GABRA2: variants seen among roughly 807,000 people sequenced by gnomAD.
The protein encoded by GABRA2 is gamma-aminobutyric acid type A receptor subunit alpha2, also known as gamma-aminobutyric acid receptor subunit alpha-2.
In GABRA2, 16 loss-of-function variants were observed where a neutral mutation model predicts 48.7. The observed-to-expected ratio is 0.33, with a 90% CI of 0.22 to 0.50. The LOEUF (loss-of-function observed/expected upper bound fraction) is 0.50. Among genes scored for constraint, GABRA2 ranks in the 20% least tolerant of loss-of-function variants. The pLI is 0.98. For synonymous variants in GABRA2, 185 were observed against 184.5 expected (o/e 1.00, Z -0.02); for missense variants, 275 against 535.6 (o/e 0.51, Z 4.80).
chr4:46,336,189 A>G (rs1165744669), intron 3 of GABRA2, among the ~76,000 whole-genome samples: 1 of 152,182 alleles, frequency 6.6e-6, no homozygotes, highest in East Asian at 1.9e-4. Context: ...ATTTTAATTC[A>G]TGTAGAATAT....
chr4:46,297,896 A>C (rs1725044305), intron 8 of GABRA2, among the ~76,000 whole-genome samples: 1 of 151,792 alleles, frequency 6.6e-6, no homozygotes, highest in Non-Finnish European at 1.5e-5. Context: ...TTGAGCTTTG[A>C]CTTCACTGCA....
chr4:46,276,668 G>A (rs1720574579), intron 8 of GABRA2, among the ~76,000 whole-genome samples: 1 of 151,636 alleles, frequency 6.6e-6, no homozygotes, highest in South Asian at 2.1e-4. Context: ...AAGCATTAGA[G>A]TCAGGGAGAT....
intron 8 of GABRA2, among the ~76,000 whole-genome samples, chr4:46,281,258 T>C (rs1160750194): frequency 6.6e-6 from 1 of 152,196 alleles, no homozygotes; most frequent in Non-Finnish European, 1.5e-5. Context: ...TGTATGTATC[T>C]GGAGTTAAGG....
chr4:46,381,870 C>G (rs933617137), intron 3 of GABRA2, among the ~76,000 whole-genome samples: 30 of 152,084 alleles, frequency 2.0e-4, no homozygotes, highest in South Asian at 2.1e-4. Context: ...TAGTGAGAGG[C>G]TGGTGTAGTA....
intron 9 of GABRA2, among the ~76,000 whole-genome samples, chr4:46,255,446 T>C (rs1014349364): frequency 6.6e-6 from 1 of 151,360 alleles, no homozygotes; most frequent in African/African-American, 2.4e-5. Context: ...ACAGGCTAAA[T>C]TTAAAAAAAT....
At position 46,305,711 on chromosome 4, in the gene GABRA2, T is replaced by A; in HGVS notation, c.560A>T (p.Tyr187Phe). 1.2e-6 allele frequency: 2 copies of A among 1,602,112 alleles called. No homozygotes were observed. Among genetic ancestry groups the A allele is most frequent in the Non-Finnish European group, 1.7e-6 (2 of 1,172,752 alleles). Residue 187 changes from tyrosine to phenylalanine, a missense_variant and splice_region_variant, in exon 7 of 10, where the codon TAT (tyrosine) becomes TTT (phenylalanine). Tyr to Phe is a conservative substitution (Grantham distance 22). Coordinates refer to ENST00000381620, the MANE Select transcript of GABRA2 (RefSeq NM_000807.4). Reference protein sequence around the residue: ...AHSCPLKFGSYAYTTSEVTYI... With the variant: ...AHSCPLKFGSFAYTTSEVTYI... Reference sequence around the variant, plus strand: ...AGTGACCTCTGAAGTTGTATATGCATCTATAGGAAATCAGAAAAAATATTT... The same window carrying A: ...AGTGACCTCTGAAGTTGTATATGCAACTATAGGAAATCAGAAAAAATATTT...
At chr4:46,277,550 T>C (rs895850481) in intron 8 of GABRA2, among the ~76,000 whole-genome samples, 2 of 152,180 alleles carry the variant, frequency 1.3e-5, no homozygotes, top group Admixed American at 1.3e-4. Flanking sequence ...TCTATATCTA[T>C]CTCCGTCTAA....
At position 46,372,885 on chromosome 4, in the gene GABRA2, G is replaced by A. The variant is rs569662525; in HGVS notation, c.187+13189C>T. On this transcript the variant is annotated intron_variant, in intron 3 of 9. Transcript: ENST00000381620. ...ACAGGCCACAAACTGTTCCCTAAACGGAAGGGATTTGATGAAGAGACATCT... is the reference window on the plus strand; with the variant it reads ...ACAGGCCACAAACTGTTCCCTAAACAGAAGGGATTTGATGAAGAGACATCT... Among the ~76,000 whole-genome samples, 6 of 152,268 alleles carry A rather than the reference G, an allele frequency of 3.9e-5. No individual in the cohort carries two copies. The East Asian group carries it at 7.7e-4, about 20-fold the overall frequency.
chr4:46,255,344 T>A (rs1051861076), intron 9 of GABRA2, among the ~76,000 whole-genome samples: 1 of 151,650 alleles, frequency 6.6e-6, no homozygotes, highest in African/African-American at 2.4e-5. Flanking sequence ...TGATACAGAA[T>A]TCAATAGCTT....
chr4:46,377,705 C>G, intron 3 of GABRA2, among the ~76,000 whole-genome samples: 1 of 142,046 alleles, frequency 7.0e-6, no homozygotes. Context: ...TCTGCCCGGC[C>G]AGCCTCCCCG....
At chr4:46,312,458 C>T (rs1727811442) in intron 5 of GABRA2, 38 bp downstream of exon 5, 1 of 1,369,078 alleles carries the variant, frequency 7.3e-7, no homozygotes, top group South Asian at 1.2e-5. Context: ...GAAAATTTCT[C>T]AGTATATAAA....
In GABRA2 at chr4:46,262,368, C is replaced by A. The variant is rs496650; in HGVS notation, c.857-240G>T. Among the ~76,000 whole-genome samples, 76,119 of 151,788 alleles carry A rather than the reference C, an allele frequency of 0.5. 20,373 individuals are homozygous for A. Among genetic ancestry groups the A allele is most frequent in the South Asian group, 0.76 (3,667 of 4,820 alleles). ...ATACTTTCGGTTTCCATTTTTTGTTCTGTATAAAAATCAACTTCCTTCTTC... is the reference window on the plus strand; with the variant it reads ...ATACTTTCGGTTTCCATTTTTTGTTATGTATAAAAATCAACTTCCTTCTTC... On this transcript the variant is annotated intron_variant, in intron 8 of 9. Transcript: ENST00000381620.
At position 46,262,212 on chromosome 4, in the gene GABRA2, C is replaced by T. The variant is rs187746158; in HGVS notation, c.857-84G>A. On this transcript the variant is annotated intron_variant, in intron 8 of 9. Coordinates refer to ENST00000381620, the MANE Select transcript of GABRA2 (RefSeq NM_000807.4). ...AAGTAGCTTTTCTTTCTCCCTCCAG[C>T]CCCCAAAGCTTTTACTACTCTTATC... is the stretch of plus-strand genomic sequence containing the variant. The T allele has an allele frequency of 1.2e-4, 123 of 1,015,052 alleles. No homozygotes were observed. In the African/African-American group the frequency reaches 1.8e-3, roughly 15 times the overall value. The allele number at this position is 1,015,052 out of a possible 1,614,324, so 62.9% of individuals were successfully genotyped here. A position where few individuals can be genotyped will look rare whatever the true frequency, so the allele number is the denominator to read the frequency against.
At position 46,246,787 on chromosome 4, in the gene GABRA2, G is replaced by A. The variant is rs1713785603; in HGVS notation, c.*3521C>T. Among the ~76,000 whole-genome samples the A allele has an allele frequency of 6.6e-6, 1 of 150,916 alleles. No homozygotes were observed. The highest frequency in any genetic ancestry group is 1.5e-5 in the Non-Finnish European group (1 of 67,360). On this transcript the variant is annotated 3_prime_UTR_variant, in exon 10 of 10. Transcript: ENST00000381620. ...TGTGTTTCACAGACATGTGTCTGAG[G>A]GCATCAGGCATAGAATACATTAAAC... is the stretch of plus-strand genomic sequence containing the variant.
intron 4 of GABRA2, among the ~76,000 whole-genome samples, chr4:46,319,714 GT>G (rs1729133025): frequency 6.6e-6 from 1 of 151,718 alleles, no homozygotes; most frequent in Non-Finnish European, 1.5e-5. Flanking sequence ...GAGGTAAGAT[GT>G]TTGGGCATTC....
chr4:46,335,873 A>C (rs1258070820), intron 3 of GABRA2, among the ~76,000 whole-genome samples: 2 of 152,148 alleles, frequency 1.3e-5, no homozygotes, highest in Admixed American at 1.3e-4. Context: ...CTTTGCATTT[A>C]AGTCTCAGTT....
intron 7 of GABRA2, among the ~76,000 whole-genome samples, 180 bp downstream of exon 7, chr4:46,305,388 A>G (rs1726501504): frequency 6.7e-6 from 1 of 149,872 alleles, no homozygotes; most frequent in South Asian, 2.1e-4. Context: ...CATTGTGCAC[A>G]TGTACCCTAA....
At chr4:46,260,742 C>G (rs1340830414) in intron 9 of GABRA2, 2 of 151,508 alleles carry the variant, frequency 1.3e-5, no homozygotes, top group South Asian at 2.1e-4. Flanking sequence ...CTGAAACAGC[C>G]CAGAAGTTAA....
At chr4:46,303,324 T>A (rs1726075210) in intron 8 of GABRA2, 136 bp downstream of exon 8, 1 of 785,148 alleles carries the variant, frequency 1.3e-6, no homozygotes, top group South Asian at 1.5e-5. Flanking sequence ...AGCCTACTTC[T>A]TCACCTATAA....
Sources: allele counts gnomAD v4.1 joint callset (sites outside exome capture counted in the v4.1 genomes callset), GRCh38; gene constraint gnomAD v4.1.1; transcripts MANE v1.5; gene names NCBI Gene and HGNC (gene_info 2026-07-23, HGNC 2026-07-21).